ZBTB37: variants seen among roughly 807,000 people sequenced by gnomAD.
ZBTB37 encodes zinc finger and BTB domain-containing protein 37.
A neutral mutation model predicts 37.7 loss-of-function variants in ZBTB37; 15 were observed. That is an observed-to-expected ratio of 0.40 (90% CI 0.27 to 0.61). The LOEUF (loss-of-function observed/expected upper bound fraction) is 0.61. ZBTB37 is among the 20% of genes least tolerant of loss of function. The pLI is 0.44. For missense variants in ZBTB37, 514 were observed against 641.9 expected, an observed-to-expected ratio of 0.80 and a Z score of 2.15; for synonymous variants, 231 against 220.6, an observed-to-expected ratio of 1.05 and a Z score of -0.42.
Position 173,871,578 on chromosome 1 carries a change from C to T in ZBTB37, c.923+430C>T, listed in dbSNP as rs193253686. ...TGTAGCACTGCTTGCTTTTCTTTGC[C>T]CCCAACTACCAAATTAGAGGAAGTA... is the stretch of plus-strand genomic sequence containing the variant. On this transcript the variant is annotated intron_variant, in intron 3 of 4. Coordinates refer to ENST00000427304, the Ensembl canonical transcript of ZBTB37. Among the ~76,000 whole-genome samples the T allele has an allele frequency of 6.1e-4, 93 of 152,298 alleles. 1 individual carries two copies. Among genetic ancestry groups the T allele is most frequent in the African/African-American group, 2.0e-3 (84 of 41,568 alleles).
At chr1:173,896,293 G>A (rs1346002544) in exon 4 of ZBTB37, 1 of 152,190 alleles carries the variant, frequency 6.6e-6, no homozygotes, top group East Asian at 1.9e-4. Flanking sequence ...AAATTTAAAG[G>A]CCTTAAAACT....
At chr1:173,870,536 C>T (rs1179607287) in exon 3 of ZBTB37, 3 of 1,614,096 alleles carry the variant, frequency 1.9e-6, no homozygotes, top group Non-Finnish European at 2.5e-6. Context: ...AGCTACCTAA[C>T]AGCTGCCAGT....
At chr1:173,870,044 A>C (rs1464729745) in intron 2 of ZBTB37, among the ~76,000 whole-genome samples, 156 bp from the exon 3 acceptor site, 1 of 152,218 alleles carries the variant, frequency 6.6e-6, no homozygotes, top group Non-Finnish European at 1.5e-5. Context: ...CCTGTTGGTG[A>C]TTCTGTTTCC....
chr1:173,880,725 A>T (rs1335964556), intron 4 of ZBTB37, among the ~76,000 whole-genome samples: 1 of 151,590 alleles, frequency 6.6e-6, no homozygotes. Context: ...AAACAATAAA[A>T]CTACAAAAAG....
chr1:173,870,372 G>T, exon 3 of ZBTB37: 1 of 1,614,208 alleles, frequency 6.2e-7, no homozygotes, highest in Non-Finnish European at 8.5e-7. Flanking sequence ...ACAAAGTGGT[G>T]CTGGCTGCCA....
exon 3 of ZBTB37, chr1:173,870,726 T>C: frequency 6.2e-7 from 1 of 1,614,162 alleles, no homozygotes; most frequent in African/African-American, 1.3e-5. Context: ...GCCCACGACA[T>C]AATACCCCAA....
At chr1:173,872,684 T>A (rs1463714625) in intron 3 of ZBTB37, among the ~76,000 whole-genome samples, 1 of 152,038 alleles carries the variant, frequency 6.6e-6, no homozygotes. Flanking sequence ...TGATAACTTA[T>A]GGAAATAAAA....
downstream of ZBTB37, chr1:173,887,893 A>G (rs1432255858): frequency 6.6e-6 from 1 of 152,246 alleles, no homozygotes; most frequent in African/African-American, 2.4e-5. Flanking sequence ...TAGAAAAGAA[A>G]GAAATCTCTT....
At chr1:173,884,970 A>G (rs1656542349) in intron 4 of ZBTB37, among the ~76,000 whole-genome samples, 2 of 152,182 alleles carry the variant, frequency 1.3e-5, no homozygotes, top group Non-Finnish European at 2.9e-5. Flanking sequence ...GTCGTGGCTT[A>G]CACGTGTAAT....
chr1:173,884,830 C>T (rs1572069384), intron 4 of ZBTB37, among the ~76,000 whole-genome samples: 2 of 152,274 alleles, frequency 1.3e-5, no homozygotes, highest in South Asian at 4.1e-4. Flanking sequence ...TAACTGAAAG[C>T]ACTTAAAATT....
At chr1:173,881,289 C>T (rs974106689) in intron 4 of ZBTB37, among the ~76,000 whole-genome samples, 2 of 152,124 alleles carry the variant, frequency 1.3e-5, no homozygotes, top group Non-Finnish European at 2.9e-5. Context: ...TGAACTCATC[C>T]TTTTTTATGG....
chr1:173,886,423 G>A (rs1313363874), exon 5 of ZBTB37: 2 of 353,408 alleles, frequency 5.7e-6, no homozygotes, highest in Non-Finnish European at 1.0e-5. Flanking sequence ...AAACGATGAT[G>A]ATAAATGGTC....
exon 3 of ZBTB37, chr1:173,870,545 G>A: frequency 6.2e-7 from 1 of 1,614,194 alleles, no homozygotes; most frequent in Non-Finnish European, 8.5e-7. Context: ...ACAGCTGCCA[G>A]TTTTCTGCAA....
At chr1:173,870,088 TG>T in intron 2 of ZBTB37, 111 bp from the exon 3 acceptor site, 1 of 701,708 alleles carries the variant, frequency 1.4e-6, no homozygotes, top group Non-Finnish European at 2.2e-6. Context: ...TTCTTTTATC[TG>T]GAGATTTTGA....
chr1:173,891,525 T>C (rs1262449740), downstream of ZBTB37: 1 of 152,242 alleles, frequency 6.6e-6, no homozygotes, highest in African/African-American at 2.4e-5. Flanking sequence ...TAAATACATA[T>C]TGGACCATTA....
intron 4 of ZBTB37, among the ~76,000 whole-genome samples, chr1:173,874,602 C>T (rs1655815394): frequency 1.3e-5 from 2 of 152,154 alleles, no homozygotes; most frequent in South Asian, 4.1e-4. Context: ...CCGCCTGCCT[C>T]GGCCTCCCAA....
intron 2 of ZBTB37, among the ~76,000 whole-genome samples, chr1:173,869,481 A>G (rs1655353333): frequency 6.6e-6 from 1 of 152,236 alleles, no homozygotes; most frequent in Non-Finnish European, 1.5e-5. Flanking sequence ...TCAGGATGGA[A>G]GTATTCATCA....
chr1:173,873,175 C>A (rs532597189), intron 3 of ZBTB37, among the ~76,000 whole-genome samples: 26 of 152,182 alleles, frequency 1.7e-4, no homozygotes, highest in African/African-American at 5.8e-4. Flanking sequence ...TTAATTTATT[C>A]TTTTATGGTC....
At chr1:173,873,505 G>C (rs949070527) in exon 4 of ZBTB37, 1 of 1,613,814 alleles carries the variant, frequency 6.2e-7, no homozygotes, top group Non-Finnish European at 8.5e-7. Context: ...TTGACAGAGA[G>C]ACACAGAGCC....
Sources: allele counts gnomAD v4.1 joint callset (sites outside exome capture counted in the v4.1 genomes callset), GRCh38; gene constraint gnomAD v4.1.1; transcripts MANE v1.5; gene names NCBI Gene and HGNC (gene_info 2026-07-23, HGNC 2026-07-21).